Variants in USP45 observed in about 807,000 individuals in gnomAD.
The protein encoded by USP45 is ubiquitin specific peptidase 45, also known as ubiquitin carboxyl-terminal hydrolase 45.
A neutral mutation model predicts 95.8 loss-of-function variants in USP45; 89 were observed. The ratio of observed to expected loss-of-function variants is 0.93; its 90% CI spans 0.78 to 1.11. The LOEUF (loss-of-function observed/expected upper bound fraction) is 1.11. Among genes scored for constraint, USP45 ranks in the 50% least tolerant of loss-of-function variants. The pLI, the probability that USP45 is intolerant of heterozygous loss-of-function variation, is 0.00. For synonymous variants in USP45, 281 were observed against 316.2 expected, an observed-to-expected ratio of 0.89 and a Z score of 1.18; for missense variants, 898 against 942.5, an observed-to-expected ratio of 0.95 and a Z score of 0.62.
At chr6:99,445,416 G>A (rs1229572983) in intron 14 of USP45, among the ~76,000 whole-genome samples, 1 of 151,646 alleles carries the variant, frequency 6.6e-6, no homozygotes, top group African/African-American at 2.4e-5. Context: ...TCAGGAGGTG[G>A]AGGTTGCAGT....
intron 9 of USP45, among the ~76,000 whole-genome samples, chr6:99,471,137 T>C (rs549945000): frequency 4.6e-5 from 7 of 152,202 alleles, no homozygotes; most frequent in Non-Finnish European, 1.0e-4. Flanking sequence ...TTAATTTTGA[T>C]CCTAACCGTG....
intron 5 of USP45, among the ~76,000 whole-genome samples, chr6:99,490,750 A>C (rs992227305): frequency 6.6e-6 from 1 of 152,014 alleles, no homozygotes; most frequent in African/African-American, 2.4e-5. Context: ...GAGGAAATAA[A>C]TTATGACACC....
At chr6:99,483,666 G>A (rs1470596765) in intron 7 of USP45, among the ~76,000 whole-genome samples, 1 of 151,148 alleles carries the variant, frequency 6.6e-6, no homozygotes, top group Non-Finnish European at 1.5e-5. Flanking sequence ...GTGAAACCCT[G>A]TCTCTACTAA....
chr6:99,464,070 G>A (rs1418035912), intron 13 of USP45, among the ~76,000 whole-genome samples: 1 of 151,962 alleles, frequency 6.6e-6, no homozygotes, highest in Non-Finnish European at 1.5e-5. Context: ...GCTTTGGGAG[G>A]CCGAGGCGGG....
intron 12 of USP45, 115 bp from the exon 13 acceptor site, chr6:99,464,862 TAA>T (rs1406218876): frequency 8.0e-6 from 10 of 1,254,472 alleles, no homozygotes; most frequent in South Asian, 5.1e-5. Flanking sequence ...ATTATCAAAA[TAA>T]AAAGTGTTTA....
At chr6:99,482,719 C>T (rs757269003) in intron 8 of USP45, 34 bp downstream of exon 8, 8 of 1,554,476 alleles carry the variant, frequency 5.1e-6, no homozygotes, top group Non-Finnish European at 6.1e-6. Context: ...TTTTGTAACT[C>T]ATAATTATTT....
chr6:99,474,668 A>T (rs1790358624), intron 9 of USP45, among the ~76,000 whole-genome samples: 1 of 152,206 alleles, frequency 6.6e-6, no homozygotes, highest in South Asian at 2.1e-4. Context: ...ATTATGACTG[A>T]CAAGGGCTGC....
chr6:99,513,809 T>C (rs1397162465), intron 1 of USP45, among the ~76,000 whole-genome samples: 1 of 152,202 alleles, frequency 6.6e-6, no homozygotes, highest in Non-Finnish European at 1.5e-5. Context: ...AGTTTTCCAA[T>C]TTCCATTTGA....
At chr6:99,517,239 G>A (rs1241358672), upstream of USP45, among the ~76,000 whole-genome samples, 2 of 151,942 alleles carry the variant, frequency 1.3e-5, no homozygotes, top group Non-Finnish European at 2.9e-5. Context: ...GTATGTTTTA[G>A]TGCTATTACA....
chr6:99,465,690 C>CT (rs1787781175), intron 11 of USP45, among the ~76,000 whole-genome samples: 1 of 152,104 alleles, frequency 6.6e-6, no homozygotes, highest in Non-Finnish European at 1.5e-5. Context: ...AATCCTGCTT[C>CT]TTTAAGGCTA....
intron 13 of USP45, among the ~76,000 whole-genome samples, chr6:99,456,203 GAA>G (rs1785054794): frequency 6.8e-6 from 1 of 147,602 alleles, no homozygotes; most frequent in African/African-American, 2.5e-5. Flanking sequence ...CAGAGGCTTA[GAA>G]AAGAGTGAGT....
chr6:99,469,478 A>T (rs1788805164), intron 9 of USP45, among the ~76,000 whole-genome samples: 1 of 12,420 alleles, frequency 8.1e-5, no homozygotes, highest in Non-Finnish European at 3.5e-4. Flanking sequence ...TATAATATAT[A>T]TATATATATT....
At chr6:99,512,028 C>T (rs1314291299) in intron 1 of USP45, among the ~76,000 whole-genome samples, 1 of 151,812 alleles carries the variant, frequency 6.6e-6, no homozygotes, top group African/African-American at 2.4e-5. Context: ...TTTCTAATAT[C>T]ATCTCATATT....
chr6:99,482,621 C>T, intron 8 of USP45, 132 bp downstream of exon 8: 3 of 840,210 alleles, frequency 3.6e-6, no homozygotes, highest in Non-Finnish European at 5.2e-6. Flanking sequence ...AGAGCTGTAA[C>T]AAATTTTAGT....
intron 13 of USP45, among the ~76,000 whole-genome samples, chr6:99,458,172 A>C (rs1252157528): frequency 6.6e-6 from 1 of 152,172 alleles, no homozygotes; most frequent in Non-Finnish European, 1.5e-5. Context: ...GGCGTGTGCC[A>C]CCATGACCGG....
chr6:99,508,868 G>C (rs1799115195), intron 2 of USP45, 86 bp from the exon 3 acceptor site: 5 of 1,197,036 alleles, frequency 4.2e-6, no homozygotes, highest in South Asian at 1.7e-5. Flanking sequence ...AGTATTAAAT[G>C]CTGTTAACTA....
intron 5 of USP45, among the ~76,000 whole-genome samples, chr6:99,503,373 C>T (rs1473451820): frequency 6.6e-6 from 1 of 151,332 alleles, no homozygotes; most frequent in Non-Finnish European, 1.5e-5. Flanking sequence ...GTTGCCTAGA[C>T]TGGAGTGCAG....
In USP45 at chr6:99,471,189, T is replaced by C. The variant is rs190329273; in HGVS notation, c.934-2571A>G. Among the ~76,000 whole-genome samples, 504 of 152,242 alleles carry C rather than the reference T, an allele frequency of 3.3e-3. 5 individuals are homozygous for C. Among genetic ancestry groups the C allele is most frequent in the Non-Finnish European group, 5.7e-3 (389 of 68,006 alleles). On this transcript the variant is annotated intron_variant, in intron 9 of 17. Transcript: ENST00000500704. ...TCCAAACTGTTTAAAAGTCAATTAA[T>C]AGGTAATTCATCAAGTTGAGGAAAA...
Position 99,465,090 on chromosome 6 carries a change from A to AT in USP45, c.1153dup (p.Ile385AsnfsTer16). The AT allele has an allele frequency of 1.3e-6, 2 of 1,599,108 alleles. No individual in the cohort carries two copies. Among genetic ancestry groups the AT allele is most frequent in the Non-Finnish European group, 1.7e-6 (2 of 1,171,396 alleles). Reference sequence around the variant, plus strand: ...TTTTCTTCTCCTTACCCTTTCTTCTATTATAGGAAGTGAAATATCAATGAA... The same window carrying AT: ...TTTTCTTCTCCTTACCCTTTCTTCTATTTATAGGAAGTGAAATATCAATGAA... On this transcript the variant is annotated frameshift_variant, in exon 12 of 18. Transcript: ENST00000500704. LOFTEE classifies it high-confidence loss of function.
Sources: allele counts gnomAD v4.1 joint callset (sites outside exome capture counted in the v4.1 genomes callset), GRCh38; gene constraint gnomAD v4.1.1; transcripts MANE v1.5; gene names NCBI Gene and HGNC (gene_info 2026-07-23, HGNC 2026-07-21).